Variants in FMOD observed in about 807,000 individuals in gnomAD.
FMOD encodes the protein fibromodulin, also known as KSPG fibromodulin.
FMOD carries 15 observed loss-of-function variants against 27.0 expected under a neutral mutation model. The observed-to-expected ratio is 0.55, with a 90% CI of 0.37 to 0.85. FMOD has a LOEUF of 0.85. Ranked by LOEUF, FMOD falls within the 40% of genes least tolerant of loss-of-function variation. The pLI, the probability that FMOD is intolerant of heterozygous loss-of-function variation, is 0.00. For synonymous variants in FMOD, 210 were observed against 214.0 expected, an observed-to-expected ratio of 0.98 and a Z score of 0.16; for missense variants, 460 against 483.2, an observed-to-expected ratio of 0.95 and a Z score of 0.45.
chr1:203,347,881 C>A lies in FMOD; in HGVS notation c.390G>T (p.Gly130=). The A allele has an allele frequency of 6.2e-7, 1 of 1,613,962 alleles. No homozygotes were observed. Among genetic ancestry groups the A allele is most frequent in the Non-Finnish European group, 8.5e-7 (1 of 1,179,902 alleles). ...TGCCGTGGAGAGCAATCCAGAGCAG[C>A]CCTGTGGCATTGTCAAAGACGCCTT... is the stretch of plus-strand genomic sequence containing the variant. ...IQEGVFDNAT[G]LLWIALHGNQ... The change falls in exon 2 of 3, where the codon GGG becomes GGT. Residue 130 remains glycine (G), a synonymous_variant. Coordinates refer to ENST00000354955, the MANE Select transcript of FMOD (RefSeq NM_002023.5).
rs750163069 is a variant in FMOD at position 203,347,470 on chromosome 1, C to T, written c.801G>A (p.Ala267=). The change falls in exon 2 of 3, where the codon GCG becomes GCA. Residue 267 remains alanine (A), a synonymous_variant. Coordinates refer to ENST00000354955, the MANE Select transcript of FMOD (RefSeq NM_002023.5). The stretch of plus-strand genomic sequence containing the variant: ...ACAGCCGCACATACAGCAGCTTGGG[C>T]GCCCCCCGGAAGTAGCTATCGGGGA... The part of the protein sequence containing the change: ...YTVPDSYFRG[A]PKLLYVRLSH... The T allele has an allele frequency of 2.0e-5, 33 of 1,614,144 alleles. No homozygotes were observed. Among genetic ancestry groups the T allele is most frequent in the African/African-American group, 9.3e-5 (7 of 75,012 alleles).
In FMOD at chr1:203,341,583, A is replaced by G. The variant is rs990860668; in HGVS notation, c.*760T>C. 9.2e-5 allele frequency: 14 copies of G among 152,176 alleles called. No individual in the cohort carries two copies. Among genetic ancestry groups the G allele is most frequent in the African/African-American group, 3.4e-4 (14 of 41,428 alleles). The allele number at this position is 152,176 out of a possible 1,614,324, so 9.4% of individuals were successfully genotyped here. On this transcript the variant is annotated 3_prime_UTR_variant, in exon 3 of 3. Transcript: ENST00000354955. ...TTCAAAGAGCTACCCAGCTGCCAAAATATAGCCCTATACATTGATCTAAGC... is the reference window on the plus strand; with the variant it reads ...TTCAAAGAGCTACCCAGCTGCCAAAGTATAGCCCTATACATTGATCTAAGC...
At chr1:203,345,916 G>T (rs546069321) in intron 2 of FMOD, among the ~76,000 whole-genome samples, 1 of 131,362 alleles carries the variant, frequency 7.6e-6, no homozygotes. Flanking sequence ...AAAAAAAGAC[G>T]TCTTAGAGGA....
chr1:203,350,925 G>A (rs541538843), intron 1 of FMOD, 108 bp downstream of exon 1: 3 of 152,328 alleles, frequency 2.0e-5, no homozygotes, highest in East Asian at 3.9e-4. Flanking sequence ...TGGAGAAGGA[G>A]GAATGAACCC....
At chr1:203,348,990 C>T (rs1658946297) in intron 1 of FMOD, among the ~76,000 whole-genome samples, 1 of 152,236 alleles carries the variant, frequency 6.6e-6, no homozygotes, top group South Asian at 2.1e-4. Context: ...GCTACACATG[C>T]AACTTGGCTG....
At chr1:203,348,904 G>C (rs922732344) in intron 1 of FMOD, among the ~76,000 whole-genome samples, 1 of 152,206 alleles carries the variant, frequency 6.6e-6, no homozygotes, top group Non-Finnish European at 1.5e-5. Flanking sequence ...CCACCACAAG[G>C]CTCAGGTTGC....
intron 2 of FMOD, 35 bp downstream of exon 2, chr1:203,347,257 C>T: frequency 6.4e-7 from 1 of 1,563,262 alleles, no homozygotes; most frequent in Admixed American, 1.9e-5. Flanking sequence ...GTGAAATAGA[C>T]AGCCAGTCCC....
intron 2 of FMOD, among the ~76,000 whole-genome samples, chr1:203,345,341 C>T (rs1055513731): frequency 3.3e-5 from 5 of 152,174 alleles, no homozygotes; most frequent in Admixed American, 6.5e-5. Flanking sequence ...GAAGGCAGAA[C>T]GATGATAAAA....
At chr1:203,350,656 C>T (rs940376975) in intron 1 of FMOD, among the ~76,000 whole-genome samples, 63 of 152,284 alleles carry the variant, frequency 4.1e-4, no homozygotes, top group African/African-American at 1.4e-3. Flanking sequence ...TGTACCAAAC[C>T]CCTCTATAAG....
intron 2 of FMOD, among the ~76,000 whole-genome samples, chr1:203,345,780 C>T (rs530241332): frequency 2.6e-5 from 4 of 151,964 alleles, no homozygotes; most frequent in South Asian, 2.1e-4. Flanking sequence ...CGCCTGTAGT[C>T]GCAGCTACTC....
chr1:203,347,976 A>G lies in FMOD; in HGVS notation c.295T>C (p.Tyr99His). 6.2e-7 allele frequency: 1 copy of G among 1,604,872 alleles called. No individual in the cohort carries two copies. Among genetic ancestry groups the G allele is most frequent in the Non-Finnish European group, 8.5e-7 (1 of 1,173,778 alleles). ...ATGCGGGAGGGAACGAAGGGCAGGTACTTGAGGTTGCGATTGTCACAGTAC... is the reference window on the plus strand; with the variant it reads ...ATGCGGGAGGGAACGAAGGGCAGGTGCTTGAGGTTGCGATTGTCACAGTAC... ...AMYCDNRNLK[Y>H]LPFVPSRMKY... The change falls in exon 2 of 3, where the codon TAC becomes CAC. Residue 99 changes from tyrosine to histidine, a missense_variant. Physicochemically the swap from Tyr to His is moderately conservative, Grantham distance 83 (BLOSUM62 2). Coordinates refer to ENST00000354955, the MANE Select transcript of FMOD (RefSeq NM_002023.5).
chr1:203,345,173 A>C (rs1277909292), intron 2 of FMOD, among the ~76,000 whole-genome samples: 1 of 152,188 alleles, frequency 6.6e-6, no homozygotes, highest in East Asian at 1.9e-4. Flanking sequence ...CTTAAATTGC[A>C]CAAGAATTGA....
chr1:203,347,257 C>A, intron 2 of FMOD, 35 bp downstream of exon 2: 1 of 1,563,262 alleles, frequency 6.4e-7, no homozygotes, highest in Admixed American at 1.9e-5. Context: ...GTGAAATAGA[C>A]AGCCAGTCCC....
chr1:203,348,213 A>G lies in FMOD; in HGVS notation c.58T>C (p.Tyr20His). Residue 20 changes from tyrosine to histidine, a missense_variant, in exon 2 of 3, where the codon TAT becomes CAT. Tyr to His is a moderately conservative substitution (Grantham distance 83). Coordinates refer to ENST00000354955, the MANE Select transcript of FMOD (RefSeq NM_002023.5). ...AACCACCAATGAGGGTCATCTTCAT[A>G]CTGGGCCTGGGAGAGGGAGAAGAGC... ...AGLFSLSQAQ[Y>H]EDDPHWWFHY... 1 of 1,614,160 alleles carries G rather than the reference A, an allele frequency of 6.2e-7. No individual in the cohort carries two copies. Among genetic ancestry groups the G allele is most frequent in the African/African-American group, 1.3e-5 (1 of 75,034 alleles).
rs1658793106 is a variant in FMOD, at chr1:203,341,409, G to A, written c.*934C>T. The A allele has an allele frequency of 6.6e-6, 1 of 152,206 alleles. No individual in the cohort carries two copies. The highest frequency in any genetic ancestry group is 1.5e-5 in the Non-Finnish European group (1 of 68,054). 9.4% of individuals were successfully genotyped at this position (152,206 alleles called of 1,614,324 possible). A position where few individuals can be genotyped will look rare whatever the true frequency, so the allele number is the denominator to read the frequency against. On this transcript the variant is annotated 3_prime_UTR_variant, in exon 3 of 3. Transcript: ENST00000354955. ...CCTTTGTGGATAAAAACCCAGGTAG[G>A]ATGCTGTTTGGAATGCAGAAAGTGC... is the stretch of plus-strand genomic sequence containing the variant.
chr1:203,347,414 G>A lies in FMOD; in HGVS notation c.857C>T (p.Ala286Val), dbSNP rs777008306. The A allele has an allele frequency of 1.2e-6, 2 of 1,614,168 alleles. No individual in the cohort carries two copies. Among genetic ancestry groups the A allele is most frequent in the East Asian group, 2.2e-5 (1 of 44,884 alleles). The change falls in exon 2 of 3, where the codon GCC (alanine) becomes GTC (valine). Residue 286 changes from alanine (A) to valine (V), a missense_variant. Ala to Val is a moderately conservative substitution (Grantham distance 64). Transcript: ENST00000354955. ...GCTGCTGGAATTGAAGGTGTTGGAG[G>A]CCAGGCCATTGTTGGTTAGACTGTT... ...SHNSLTNNGLASNTFNSSSLL... is the reference protein window; with the variant it reads ...SHNSLTNNGLVSNTFNSSSLL...
At position 203,347,998 on chromosome 1, in the gene FMOD, G is replaced by A; in HGVS notation, c.273C>T (p.Tyr91=). 6.2e-7 allele frequency: 1 copy of A among 1,607,502 alleles called. No individual in the cohort carries two copies. The highest frequency in any genetic ancestry group is 1.3e-5 in the African/African-American group (1 of 74,944). The change falls in exon 2 of 3, where the codon TAC becomes TAT. Residue 91 remains tyrosine, a synonymous_variant. Coordinates refer to ENST00000354955, the MANE Select transcript of FMOD (RefSeq NM_002023.5). ...DCPPNFPTAM[Y]CDNRNLKYLP... is the part of the protein sequence containing the mutation. ...GGTACTTGAGGTTGCGATTGTCACA[G>A]TACATGGCCGTGGGGAAGTTGGGTG...
In FMOD at chr1:203,347,788, G is replaced by T. The variant is rs762821018; in HGVS notation, c.483C>A (p.Tyr161Ter). Reference sequence around the variant, plus strand: ...TCCGGGTCAGGTTGTTGTGGTCCAGGTACAGCCTCTCCAGGTGCCTCAGCT... The same window carrying T: ...TCCGGGTCAGGTTGTTGTGGTCCAGTTACAGCCTCTCCAGGTGCCTCAGCT... ...FSKLRHLERL[Y>*]LDHNNLTRMP... is the part of the protein sequence containing the mutation. The change falls in exon 2 of 3, where the codon TAC becomes TAA. Residue 161 changes from tyrosine (Y) to a stop codon, truncating the protein, a stop_gained. Coordinates refer to ENST00000354955, the MANE Select transcript of FMOD (RefSeq NM_002023.5). LOFTEE classifies it high-confidence loss of function. 7 of 1,613,842 alleles carry T rather than the reference G, an allele frequency of 4.3e-6. No individual in the cohort carries two copies. Among genetic ancestry groups the T allele is most frequent in the Non-Finnish European group, 5.1e-6 (6 of 1,180,042 alleles).
chr1:203,342,189 C>G lies in FMOD; in HGVS notation c.*154G>C. 2.3e-6 allele frequency: 2 copies of G among 877,474 alleles called. No homozygotes were observed. Among genetic ancestry groups the G allele is most frequent in the South Asian group, 3.8e-5 (2 of 52,642 alleles). 54.4% of individuals were successfully genotyped at this position (877,474 alleles called of 1,614,324 possible). A position where few individuals can be genotyped will look rare whatever the true frequency, so the allele number is the denominator to read the frequency against. Reference sequence around the variant, plus strand: ...CAGAAGGCTGCCTGTCCCTGATCGCCCCCCCTAACCCCACCTACAGGAAAG... The same window carrying G: ...CAGAAGGCTGCCTGTCCCTGATCGCGCCCCCTAACCCCACCTACAGGAAAG... On this transcript the variant is annotated 3_prime_UTR_variant, in exon 3 of 3. Transcript: ENST00000354955.
Sources: allele counts gnomAD v4.1 joint callset (sites outside exome capture counted in the v4.1 genomes callset), GRCh38; gene constraint gnomAD v4.1.1; transcripts MANE v1.5; gene names NCBI Gene and HGNC (gene_info 2026-07-23, HGNC 2026-07-21).